The following TSPAN4 variants were observed in gnomAD, a reference collection of about 807,000 sequenced individuals.
TSPAN4 encodes tetraspanin 4.
TSPAN4 carries 38 observed loss-of-function variants against 31.5 expected under a neutral mutation model. The ratio of observed to expected loss-of-function variants is 1.21; its 90% CI spans 0.93 to 1.58. The LOEUF is 1.58. Among genes scored for constraint, TSPAN4 ranks in the 40% most tolerant of loss-of-function variants. TSPAN4 has a pLI of 0.00. For missense variants in TSPAN4, 330 were observed against 317.3 expected, an observed-to-expected ratio of 1.04 and a Z score of -0.30; for synonymous variants, 186 against 144.6, an observed-to-expected ratio of 1.29 and a Z score of -2.06.
At chr11:849,737 C>A (rs1222406623) in intron 2 of TSPAN4, 1 of 116,914 alleles carries the variant, frequency 8.6e-6, no homozygotes, top group Admixed American at 9.0e-5. Flanking sequence ...GTTTGCCGGG[C>A]GGTGCGGCGA....
At chr11:866,518 A>AGC in intron 8 of TSPAN4, 44 bp from the exon 9 acceptor site, 2 of 1,589,590 alleles carry the variant, frequency 1.3e-6, no homozygotes, top group Middle Eastern at 1.7e-4. Context: ...TTGAGGCCTG[A>AGC]GCCTGTGGAG....
At chr11:856,960 C>CG (rs1362545507) in intron 3 of TSPAN4, 2 of 152,226 alleles carry the variant, frequency 1.3e-5, no homozygotes, top group Admixed American at 1.3e-4. Context: ...CCTCGGGGCC[C>CG]GGGGGACGCC....
At chr11:857,454 G>C (rs1565138641) in intron 3 of TSPAN4, 1 of 143,452 alleles carries the variant, frequency 7.0e-6, no homozygotes, top group Non-Finnish European at 1.5e-5. Context: ...CCAGGCTGGA[G>C]TGCAGTGGCA....
chr11:849,121 G>C (rs1489697258), intron 2 of TSPAN4, among the ~76,000 whole-genome samples: 1 of 152,076 alleles, frequency 6.6e-6, no homozygotes, highest in Non-Finnish European at 1.5e-5. Flanking sequence ...CCCCGCTCCC[G>C]CATTGGGGAC....
At chr11:844,414 C>T (rs530685537) in intron 1 of TSPAN4, 2 of 152,428 alleles carry the variant, frequency 1.3e-5, no homozygotes, top group Non-Finnish European at 2.9e-5. Context: ...TCCTATCCCT[C>T]CATTTCCCAG....
chr11:862,827 A>G, intron 4 of TSPAN4, 86 bp downstream of exon 4: 2 of 1,346,110 alleles, frequency 1.5e-6, no homozygotes, highest in East Asian at 2.7e-5. Flanking sequence ...TGCCGCAGTG[A>G]CCCCCCAGAC....
chr11:850,157 G>A, intron 2 of TSPAN4, 131 bp from the exon 3 acceptor site: 1 of 675,920 alleles, frequency 1.5e-6, no homozygotes, highest in Non-Finnish European at 2.4e-6. Flanking sequence ...CGGGCGGCGG[G>A]GACGCCGGGG....
chr11:862,960 C>G (rs912259929), intron 4 of TSPAN4: 5 of 565,604 alleles, frequency 8.8e-6, no homozygotes, highest in African/African-American at 1.9e-5. Context: ...GTGGGGGTCA[C>G]TCAAGAGAAC....
At chr11:856,043 G>A (rs1035469740) in intron 3 of TSPAN4, among the ~76,000 whole-genome samples, 2 of 152,340 alleles carry the variant, frequency 1.3e-5, no homozygotes, top group African/African-American at 4.8e-5. Flanking sequence ...AAGGCCTACA[G>A]GAGGCTCAAG....
Position 865,836 on chromosome 11 carries a change from C to T in TSPAN4, c.564+11C>T. The T allele has an allele frequency of 1.2e-6, 2 of 1,612,176 alleles. No homozygotes were observed. The highest frequency in any genetic ancestry group is 1.7e-6 in the Non-Finnish European group (2 of 1,179,640). The stretch of plus-strand genomic sequence containing the variant: ...ACCTGGTGGAAGGCGGTGAGTGAGA[C>T]CCCCACCCTGGGGGCTGGTAGGGGC... On this transcript the variant is annotated intron_variant, in intron 7 of 8. Coordinates refer to ENST00000397397, the MANE Select transcript of TSPAN4 (RefSeq NM_003271.5).
chr11:861,583 GCGC>G (rs1481540598), intron 3 of TSPAN4, among the ~76,000 whole-genome samples: 3 of 152,140 alleles, frequency 2.0e-5, no homozygotes, highest in African/African-American at 7.2e-5. Context: ...GTGGTGGCGG[GCGC>G]CTGTAGTCCC....
chr11:859,251 CCA>C (rs1848274306), intron 3 of TSPAN4, among the ~76,000 whole-genome samples: 1 of 119,720 alleles, frequency 8.4e-6, no homozygotes, highest in African/African-American at 3.3e-5. Flanking sequence ...ACACACACCC[CCA>C]CTCACACACA....
chr11:850,610 C>CTCTCCTCT (rs1565132089), intron 3 of TSPAN4, among the ~76,000 whole-genome samples: 113 of 152,148 alleles, frequency 7.4e-4, no homozygotes, highest in African/African-American at 2.6e-3. Flanking sequence ...CGCCCTGGTC[C>CTCTCCTCT]CCTCTCCTCT....
At chr11:849,633 G>A (rs954764161) in intron 2 of TSPAN4, among the ~76,000 whole-genome samples, 1 of 151,876 alleles carries the variant, frequency 6.6e-6, no homozygotes, top group African/African-American at 2.4e-5. Context: ...CGCGAAGGTG[G>A]GGGGGCTGGG....
At chr11:852,161 T>C (rs1847787123) in intron 3 of TSPAN4, among the ~76,000 whole-genome samples, 1 of 152,190 alleles carries the variant, frequency 6.6e-6, no homozygotes, top group Non-Finnish European at 1.5e-5. Context: ...AGAGTCTTGC[T>C]CTGTCGCCTG....
At chr11:861,234 G>A (rs746249963) in intron 3 of TSPAN4, among the ~76,000 whole-genome samples, 2 of 152,240 alleles carry the variant, frequency 1.3e-5, no homozygotes, top group Non-Finnish European at 2.9e-5. Flanking sequence ...GGCGGTTACA[G>A]ACACTGCAGG....
chr11:862,824 G>A (rs1054484333), intron 4 of TSPAN4, 83 bp downstream of exon 4: 27 of 1,404,662 alleles, frequency 1.9e-5, no homozygotes, highest in Non-Finnish European at 2.6e-5. Context: ...GGCTGCCGCA[G>A]TGACCCCCCA....
At position 866,855 on chromosome 11, in the gene TSPAN4, G is replaced by A. The variant is rs1321957361; in HGVS notation, c.*225G>A. ...GGAGGGGTGGCCACGTGCTGGCTGC[G>A]GAACCCAGGGCAGGGGTGGGAGGGG... On this transcript the variant is annotated 3_prime_UTR_variant, in exon 9 of 9. Coordinates refer to ENST00000397397, the MANE Select transcript of TSPAN4 (RefSeq NM_003271.5). 2.7e-5 allele frequency: 14 copies of A among 524,572 alleles called. No homozygotes were observed. Among genetic ancestry groups the A allele is most frequent in the African/African-American group, 7.8e-5 (4 of 51,304 alleles). The allele number at this position is 524,572 out of a possible 1,614,324, so 32.5% of individuals were successfully genotyped here.
intron 3 of TSPAN4, among the ~76,000 whole-genome samples, chr11:861,450 C>T (rs967294029): frequency 6.6e-6 from 1 of 152,096 alleles, no homozygotes; most frequent in African/African-American, 2.4e-5. Context: ...TGGTGGCTCA[C>T]GCCTGGAATC....
Sources: gnomAD v4.1 joint callset for allele counts (sites outside exome capture counted in the v4.1 genomes callset) on GRCh38, gnomAD v4.1.1 for gene constraint, MANE v1.5 for transcripts, NCBI Gene and HGNC (gene_info 2026-07-23, HGNC 2026-07-21) for gene names.